The following ATAD2B variants were observed in gnomAD, a reference collection of about 807,000 sequenced individuals.
ATAD2B encodes the protein ATPase family AAA domain containing 2B, also known as ATPase family AAA domain-containing protein 2B.
In ATAD2B, 40 loss-of-function variants were observed where a neutral mutation model predicts 167.6. The observed-to-expected ratio is 0.24, with a 90% CI of 0.19 to 0.31. ATAD2B has a LOEUF of 0.31. Among genes scored for constraint, ATAD2B ranks in the 10% least tolerant of loss-of-function variants. The pLI is 1.00. For synonymous variants in ATAD2B, 579 were observed against 596.5 expected (o/e 0.97, Z 0.43); for missense variants, 1,242 against 1,757.2 (o/e 0.71, Z 5.24).
At chr2:23,924,408 T>G (rs1704418648) in intron 1 of ATAD2B, among the ~76,000 whole-genome samples, 1 of 152,154 alleles carries the variant, frequency 6.6e-6, no homozygotes, top group Admixed American at 6.5e-5. Context: ...CTTTAAGTAC[T>G]CCAGAAAGGG....
the ATAD2B span, among the ~76,000 whole-genome samples, chr2:23,724,363 C>A: frequency 2.0e-5 from 3 of 151,996 alleles, no homozygotes; most frequent in Admixed American, 2.0e-4. Flanking sequence ...GTTGAAACAT[C>A]CCCATGTACC....
intron 8 of ATAD2B, chr2:23,872,484 T>C (rs1314974975): frequency 7.9e-6 from 6 of 755,828 alleles, no homozygotes. Flanking sequence ...TCCCCTCTTT[T>C]ACCAGGTGAG....
intron 8 of ATAD2B, chr2:23,872,268 A>G: frequency 4.3e-6 from 2 of 466,678 alleles, no homozygotes; most frequent in Admixed American, 5.0e-5. Flanking sequence ...AAGAGCAGGA[A>G]GCCACAGCTT....
chr2:23,744,540 G>C (rs1321202313), downstream of ATAD2B, among the ~76,000 whole-genome samples: 3 of 152,156 alleles, frequency 2.0e-5, no homozygotes, highest in Non-Finnish European at 4.4e-5. Flanking sequence ...TGTTCTAAGT[G>C]CTTTACATAT....
intron 13 of ATAD2B, among the ~76,000 whole-genome samples, chr2:23,848,006 A>G (rs1691963212): frequency 1.3e-5 from 2 of 151,760 alleles, no homozygotes; most frequent in African/African-American, 4.8e-5. Flanking sequence ...AAAAAAAAAA[A>G]AAAGTGTTTT....
chr2:23,680,333 C>T, the ATAD2B span, among the ~76,000 whole-genome samples: 4 of 151,948 alleles, frequency 2.6e-5, no homozygotes, highest in Non-Finnish European at 5.9e-5. The surrounding 1 kb of genome is among the most constrained non-coding windows in gnomAD (Gnocchi z 4.1). Flanking sequence ...CCATGCTGGG[C>T]GCTGAGTCGA....
intron 22 of ATAD2B, among the ~76,000 whole-genome samples, chr2:23,768,363 G>A (rs531641490): frequency 4.0e-5 from 6 of 149,576 alleles, no homozygotes; most frequent in East Asian, 2.0e-4. Context: ...GCGAGCCACC[G>A]TGTCTCCACT....
chr2:23,754,625 G>A (rs749569892), intron 26 of ATAD2B, 22 bp downstream of exon 26: 8 of 1,602,414 alleles, frequency 5.0e-6, no homozygotes, highest in Non-Finnish European at 6.8e-6. Flanking sequence ...TTTAAAACTT[G>A]ACTGGGAATA....
intron 1 of ATAD2B, among the ~76,000 whole-genome samples, chr2:23,913,367 G>A (rs1007378244): frequency 6.6e-6 from 1 of 152,132 alleles, no homozygotes; most frequent in Non-Finnish European, 1.5e-5. Flanking sequence ...CAGGCGCAGT[G>A]GCTCACTCAC....
chr2:23,734,794 C>A, the ATAD2B span, among the ~76,000 whole-genome samples: 1 of 152,270 alleles, frequency 6.6e-6, no homozygotes, highest in African/African-American at 2.4e-5. Context: ...GACACAGACC[C>A]AAACCCTATC....
downstream of ATAD2B, among the ~76,000 whole-genome samples, chr2:23,745,419 A>AG (rs1171980283): frequency 3.2e-4 from 41 of 128,254 alleles, no homozygotes; most frequent in African/African-American, 1.3e-3. Flanking sequence ...GAAGGAAGGA[A>AG]GGAAAGGGAA....
intron 1 of ATAD2B, among the ~76,000 whole-genome samples, chr2:23,913,228 A>G (rs1270687279): frequency 1.3e-5 from 2 of 152,246 alleles, no homozygotes; most frequent in Non-Finnish European, 2.9e-5. Context: ...CTACAAAAGA[A>G]ATATACAAAC....
rs1283016862 is a variant in ATAD2B, at chr2:23,878,010, C to CAAAAA, written c.902-2107_902-2106insTTTTT. ...ACTCCAGCCTGGATGACCCTATCTC[C>CAAAAA]AAAGAAAAAAAAAAAAAAAAAAAAA... On this transcript the variant is annotated intron_variant, in intron 7 of 27. Transcript: ENST00000238789. Among the ~76,000 whole-genome samples, 150 of 28,564 alleles carry CAAAAA rather than the reference C, an allele frequency of 5.3e-3. 19 individuals are homozygous for CAAAAA. The highest frequency in any genetic ancestry group is 0.036 in the East Asian group (27 of 754). 18.7% of individuals were successfully genotyped at this position (28,564 alleles called of 152,430 possible).
At chr2:23,880,604 T>C (rs1697735470) in intron 7 of ATAD2B, 35 bp downstream of exon 7, 2 of 1,188,030 alleles carry the variant, frequency 1.7e-6, no homozygotes, top group South Asian at 1.4e-5. Context: ...GTTACTCAAC[T>C]ACCAGAAAGA....
intron 22 of ATAD2B, among the ~76,000 whole-genome samples, chr2:23,781,832 A>T (rs374392919): frequency 3.6e-5 from 5 of 139,270 alleles, no homozygotes; most frequent in East Asian, 4.2e-4. Flanking sequence ...TTTTATTTTG[A>T]GAAAGGCTAT....
the ATAD2B span, among the ~76,000 whole-genome samples, chr2:23,679,792 G>A: frequency 6.6e-6 from 1 of 152,226 alleles, no homozygotes. Context: ...GAGGGTGTGG[G>A]AGGAAGAGGG....
chr2:23,693,348 G>A, the ATAD2B span: 1 of 1,551,616 alleles, frequency 6.4e-7, no homozygotes, highest in South Asian at 1.2e-5. Flanking sequence ...TCTACCACAT[G>A]GCCAAGGCCT....
At chr2:23,785,720 C>A in intron 21 of ATAD2B, 1 of 213,434 alleles carries the variant, frequency 4.7e-6, no homozygotes, top group East Asian at 1.0e-4. Flanking sequence ...CAGAATTTAT[C>A]CTGGAATAAA....
At chr2:23,794,038 C>T (rs1356153897) in intron 19 of ATAD2B, among the ~76,000 whole-genome samples, 1 of 151,894 alleles carries the variant, frequency 6.6e-6, no homozygotes, top group African/African-American at 2.4e-5. Context: ...TTTGAGACAG[C>T]GTCTCACTCT....
Sources: gnomAD v4.1 joint callset for allele counts (sites outside exome capture counted in the v4.1 genomes callset) on GRCh38, gnomAD v4.1.1 for gene constraint, Gnocchi (gnomAD v3.1) non-coding constraint, MANE v1.5 for transcripts, NCBI Gene and HGNC (gene_info 2026-07-23, HGNC 2026-07-21) for gene names.